Variants in CRAMP1 observed in about 807,000 individuals in gnomAD.
CRAMP1 encodes protein cramped-like.
In CRAMP1, 50 loss-of-function variants were observed where a neutral mutation model predicts 115.4. The observed-to-expected ratio is 0.43, with a 90% confidence interval of 0.35 to 0.55. CRAMP1 has a LOEUF of 0.55. CRAMP1 is among the 20% of genes least tolerant of loss of function. The pLI, the probability that CRAMP1 is intolerant of heterozygous loss-of-function variation, is 0.01. For missense variants in CRAMP1, 1,679 were observed against 1,721.7 expected (o/e 0.98, Z 0.44); for synonymous variants, 866 against 745.4 (o/e 1.16, Z -2.64).
chr16:1,624,931 T>C (rs2036496690), intron 2 of CRAMP1, among the ~76,000 whole-genome samples: 1 of 152,044 alleles, frequency 6.6e-6, no homozygotes, highest in Admixed American at 6.6e-5. Flanking sequence ...TTCATCATGT[T>C]GCGCATGCTG....
At chr16:1,652,605 G>T in intron 7 of CRAMP1, 24 bp downstream of exon 7, 2 of 1,545,540 alleles carry the variant, frequency 1.3e-6, no homozygotes, top group Non-Finnish European at 1.8e-6. Flanking sequence ...GCGCTCCCGG[G>T]ACCAGAGGCG....
chr16:1,643,548 G>GA (rs541292575), intron 6 of CRAMP1, among the ~76,000 whole-genome samples: 3,178 of 131,364 alleles, frequency 0.024, 112 homozygotes, highest in African/African-American at 0.076. Context: ...CTAGGGGAAA[G>GA]AAAAAAAAAA....
At chr16:1,639,088 C>A (rs1369508818) in intron 5 of CRAMP1, among the ~76,000 whole-genome samples, 1 of 152,078 alleles carries the variant, frequency 6.6e-6, no homozygotes, top group Non-Finnish European at 1.5e-5. Context: ...CGCCACAGCT[C>A]TCCCAGCTCT....
chr16:1,629,466 A>G (rs1200073401), intron 3 of CRAMP1, among the ~76,000 whole-genome samples: 3 of 152,182 alleles, frequency 2.0e-5, no homozygotes, highest in Non-Finnish European at 4.4e-5. Flanking sequence ...CTCTCGCCAC[A>G]CTGAGAATAC....
chr16:1,660,191 A>G (rs1418994974), intron 11 of CRAMP1, 128 bp downstream of exon 11: 9 of 738,804 alleles, frequency 1.2e-5, no homozygotes, highest in African/African-American at 1.8e-5. Flanking sequence ...GCTCGCCACT[A>G]TCCAGATGAC....
chr16:1,629,004 G>T (rs1182997979), intron 3 of CRAMP1, among the ~76,000 whole-genome samples: 1 of 152,212 alleles, frequency 6.6e-6, no homozygotes, highest in African/African-American at 2.4e-5. Flanking sequence ...TTCACCTGTG[G>T]CAGGGCACTC....
At chr16:1,655,823 C>T (rs910468843) in intron 9 of CRAMP1, 54 bp from the exon 10 acceptor site, 3 of 1,558,880 alleles carry the variant, frequency 1.9e-6, no homozygotes, top group Non-Finnish European at 2.6e-6. Flanking sequence ...TGTGCCTGGT[C>T]AGCATCCCGA....
rs2036972019 is a variant in CRAMP1 at position 1,676,782 on chromosome 16, T to C, written c.*2737T>C. ...TGGATGTGCAGTGATAAGCGGGCAT[T>C]GCGTGCCTCGGGGGATGCCTAGTTC... On this transcript the variant is annotated 3_prime_UTR_variant, in exon 21 of 21. Transcript: ENST00000397412. The C allele has an allele frequency of 6.6e-6, 1 of 152,292 alleles. No individual in the cohort carries two copies. The highest frequency in any genetic ancestry group is 2.4e-5 in the African/African-American group (1 of 41,458). 9.4% of individuals were successfully genotyped at this position (152,292 alleles called of 1,614,324 possible). A position where few individuals can be genotyped will look rare whatever the true frequency, so the allele number is the denominator to read the frequency against.
intron 2 of CRAMP1, among the ~76,000 whole-genome samples, chr16:1,624,065 C>T (rs2036487474): frequency 6.6e-6 from 1 of 151,958 alleles, no homozygotes; most frequent in South Asian, 2.1e-4. Context: ...TCTGGTAGCT[C>T]TCTCTGCAAC....
chr16:1,616,552 T>C (rs1392039259), intron 2 of CRAMP1, among the ~76,000 whole-genome samples: 5 of 152,174 alleles, frequency 3.3e-5, no homozygotes, highest in Non-Finnish European at 7.3e-5. Flanking sequence ...GAGACGTTAG[T>C]GATCAGGTCA....
At chr16:1,632,464 C>A in intron 4 of CRAMP1, 99 bp downstream of exon 4, 2 of 1,219,584 alleles carry the variant, frequency 1.6e-6, no homozygotes, top group Non-Finnish European at 1.1e-6. Context: ...TGCTTTCTGG[C>A]ATTTTCTCAC....
At chr16:1,644,982 A>G (rs1165799385) in intron 6 of CRAMP1, among the ~76,000 whole-genome samples, 1 of 151,698 alleles carries the variant, frequency 6.6e-6, no homozygotes, top group Non-Finnish European at 1.5e-5. Context: ...TATTACAGGC[A>G]TGATCCTTCA....
At chr16:1,650,667 C>T (rs911107864) in intron 6 of CRAMP1, among the ~76,000 whole-genome samples, 5 of 152,164 alleles carry the variant, frequency 3.3e-5, no homozygotes, top group South Asian at 2.1e-4. Context: ...TAATTTTTTA[C>T]GCATCCTTAG....
At chr16:1,630,742 G>A (rs1163540150) in intron 3 of CRAMP1, among the ~76,000 whole-genome samples, 2 of 152,180 alleles carry the variant, frequency 1.3e-5, no homozygotes, top group Admixed American at 6.5e-5. Flanking sequence ...TTTTTTTGTC[G>A]TTGATGACCT....
At chr16:1,650,190 T>C (rs1158252894) in intron 6 of CRAMP1, among the ~76,000 whole-genome samples, 1 of 152,174 alleles carries the variant, frequency 6.6e-6, no homozygotes, top group Admixed American at 6.5e-5. Flanking sequence ...AAATTAGAGC[T>C]AGGACCCTTT....
chr16:1,666,197 G>T lies in CRAMP1; in HGVS notation c.2857+20G>T. 7 of 1,524,162 alleles carry T rather than the reference G, an allele frequency of 4.6e-6. No homozygotes were observed. Among genetic ancestry groups the T allele is most frequent in the Non-Finnish European group, 6.3e-6 (7 of 1,107,394 alleles). The allele number at this position is 1,524,162 out of a possible 1,614,324, so 94.4% of individuals were successfully genotyped here. On this transcript the variant is annotated intron_variant, in intron 15 of 20. Coordinates refer to ENST00000397412, the MANE Select transcript of CRAMP1 (RefSeq NM_020825.4). This position sits in a 1 kb window ranked among gnomAD's most constrained non-coding sequence, Gnocchi z 5.0. ...TGGCCAGTAAGTCTGTACCTGCATG[G>T]CCACAGCCACTGAGTGAGCCTCTGA...
chr16:1,655,161 C>T (rs2036760124), intron 8 of CRAMP1, 58 bp from the exon 9 acceptor site: 6 of 1,455,896 alleles, frequency 4.1e-6, no homozygotes, highest in Non-Finnish European at 5.8e-6. Flanking sequence ...CGGGACTCTT[C>T]AGATGGTTTC....
chr16:1,612,443 C>G lies in CRAMP1; in HGVS notation c.-216C>G, dbSNP rs1468676060. On this transcript the variant is annotated 5_prime_UTR_variant, in exon 1 of 21. Transcript: ENST00000397412. ...CTAGGGTGAGTGGCGGCAGTATCTGCGTCCGCAGCCCCCGCAGCCGCGCGC... is the reference window on the plus strand; with the variant it reads ...CTAGGGTGAGTGGCGGCAGTATCTGGGTCCGCAGCCCCCGCAGCCGCGCGC... 1 of 151,330 alleles carries G rather than the reference C, an allele frequency of 6.6e-6. No homozygotes were observed. The highest frequency in any genetic ancestry group is 6.6e-5 in the Admixed American group (1 of 15,190). The allele number at this position is 151,330 out of a possible 1,614,324, so 9.4% of individuals were successfully genotyped here.
intron 4 of CRAMP1, among the ~76,000 whole-genome samples, chr16:1,632,879 A>C (rs1596485418): frequency 6.6e-6 from 1 of 152,226 alleles, no homozygotes; most frequent in South Asian, 2.1e-4. Context: ...GGCTCAGAGC[A>C]CCCTTTGGCT....
Sources: allele counts gnomAD v4.1 joint callset (sites outside exome capture counted in the v4.1 genomes callset), GRCh38; gene constraint gnomAD v4.1.1; non-coding constraint Gnocchi (gnomAD v3.1); transcripts MANE v1.5; gene names NCBI Gene and HGNC (gene_info 2026-07-23, HGNC 2026-07-21).